The following C11orf52 variants were observed in gnomAD, a reference collection of about 807,000 sequenced individuals.
C11orf52 encodes the protein uncharacterized protein C11orf52.
In C11orf52, 9 loss-of-function variants were observed where a neutral mutation model predicts 11.7. That is an observed-to-expected ratio of 0.77 (90% CI 0.46 to 1.34). The LOEUF (loss-of-function observed/expected upper bound fraction) is 1.34. Among genes scored for constraint, C11orf52 ranks in the 40% most tolerant of loss-of-function variants. The pLI, the probability that C11orf52 is intolerant of heterozygous loss-of-function variation, is 0.00. For missense variants in C11orf52, 139 were observed against 154.8 expected, an observed-to-expected ratio of 0.90 and a Z score of 0.54; for synonymous variants, 49 against 57.4, an observed-to-expected ratio of 0.85 and a Z score of 0.66.
At chr11:111,923,188 CAT>C (rs1965728168) in intron 1 of C11orf52, among the ~76,000 whole-genome samples, 1 of 152,174 alleles carries the variant, frequency 6.6e-6, no homozygotes, top group African/African-American at 2.4e-5. Flanking sequence ...GCAGCAGTAA[CAT>C]AAAGCAAGAG....
intron 2 of C11orf52, among the ~76,000 whole-genome samples, chr11:111,925,079 G>A (rs782755227): frequency 6.6e-5 from 10 of 152,030 alleles, no homozygotes; most frequent in Non-Finnish European, 1.0e-4. Context: ...AGTCGAGATC[G>A]CGCCACTGCA....
At chr11:111,922,746 T>C (rs1340418058) in intron 1 of C11orf52, among the ~76,000 whole-genome samples, 1 of 152,230 alleles carries the variant, frequency 6.6e-6, no homozygotes, top group Non-Finnish European at 1.5e-5. Context: ...ATTTAAATAA[T>C]GTTATAATGA....
rs1036751250 is a variant in C11orf52, at chr11:111,925,061, T to C, written c.71-592T>C. On this transcript the variant is annotated intron_variant, in intron 2 of 3. Coordinates refer to ENST00000278601, the MANE Select transcript of C11orf52 (RefSeq NM_080659.3). Reference sequence around the variant, plus strand: ...ATTGCTTGAACCCAGGAGATGGAGGTTGCAGTGAGTCGAGATCGCGCCACT... The same window carrying C: ...ATTGCTTGAACCCAGGAGATGGAGGCTGCAGTGAGTCGAGATCGCGCCACT... Among the ~76,000 whole-genome samples the C allele has an allele frequency of 5.9e-5, 9 of 152,192 alleles. No individual in the cohort carries two copies. In the East Asian group the frequency reaches 1.7e-3, roughly 29 times the overall value.
intron 1 of C11orf52, chr11:111,919,209 T>A (rs1397482859): frequency 4.9e-6 from 3 of 616,442 alleles, no homozygotes; most frequent in Non-Finnish European, 8.6e-6. Flanking sequence ...GCGCGGTGGC[T>A]CACGCCTCTA....
intron 1 of C11orf52, 85 bp downstream of exon 1, chr11:111,919,089 T>C (rs1555166312): frequency 3.3e-6 from 5 of 1,495,638 alleles, no homozygotes; most frequent in East Asian, 2.4e-5. Flanking sequence ...CTGGAGATAG[T>C]TGTCTGCCAG....
Position 111,926,090 on chromosome 11 carries a change from A to T in C11orf52, c.263A>T (p.His88Leu). Residue 88 changes from histidine (H) to leucine (L), a missense_variant, in exon 4 of 4, where the codon CAT (histidine) becomes CTT (leucine). Transcript: ENST00000278601. ...YADIQVCSRPHAREVKHVHLE... is the reference protein window; with the variant it reads ...YADIQVCSRPLAREVKHVHLE... ...GACATTCAAGTGTGCAGCCGTCCCC[A>T]TGCCCGGGAAGTGAAACACGTGCAT... 6.2e-7 allele frequency: 1 copy of T among 1,614,228 alleles called. No homozygotes were observed. Among genetic ancestry groups the T allele is most frequent in the Non-Finnish European group, 8.5e-7 (1 of 1,180,032 alleles).
chr11:111,921,695 A>G (rs1490734271), intron 1 of C11orf52, among the ~76,000 whole-genome samples: 1 of 152,166 alleles, frequency 6.6e-6, no homozygotes, highest in Non-Finnish European at 1.5e-5. Context: ...ATTACTGATT[A>G]GTTCTCTGAT....
intron 1 of C11orf52, among the ~76,000 whole-genome samples, chr11:111,923,137 GA>G (rs1221468949): frequency 1.3e-5 from 2 of 152,216 alleles, no homozygotes; most frequent in African/African-American, 2.4e-5. Context: ...AAGTGGCAAA[GA>G]ATTAGAAGAT....
chr11:111,919,119 T>C, intron 1 of C11orf52, 115 bp downstream of exon 1: 1 of 1,159,732 alleles, frequency 8.6e-7, no homozygotes, highest in South Asian at 1.4e-5. Flanking sequence ...GCCACCTTCC[T>C]CTGCCTGGTA....
In C11orf52 at chr11:111,926,007, A is replaced by G; in HGVS notation, c.180A>G (p.Gln60=). 6.2e-7 allele frequency: 1 copy of G among 1,614,268 alleles called. No individual in the cohort carries two copies. The highest frequency in any genetic ancestry group is 8.5e-7 in the Non-Finnish European group (1 of 1,180,042). ...GHTYERVLQQ[Q]GSQERSPGLM... Reference sequence around the variant, plus strand: ...CGTATGAACGGGTGTTACAGCAGCAAGGGTCTCAAGAGAGGAGTCCAGGCC... The same window carrying G: ...CGTATGAACGGGTGTTACAGCAGCAGGGGTCTCAAGAGAGGAGTCCAGGCC... Residue 60 remains glutamine (Q), a synonymous_variant, in exon 4 of 4, where the codon CAA becomes CAG. Transcript: ENST00000278601.
rs114644062 is a variant in C11orf52 at position 111,919,516 on chromosome 11, G to A, written c.32+512G>A. On this transcript the variant is annotated intron_variant, in intron 1 of 3. Coordinates refer to ENST00000278601, the MANE Select transcript of C11orf52 (RefSeq NM_080659.3). Reference sequence around the variant, plus strand: ...AAACAGAGCCAAGCTAGCTGTCTGCGGAATGGCCAGAGCAGGGCAGGAATA... The same window carrying A: ...AAACAGAGCCAAGCTAGCTGTCTGCAGAATGGCCAGAGCAGGGCAGGAATA... Among the ~76,000 whole-genome samples, 1,106 of 152,170 alleles carry A rather than the reference G, an allele frequency of 7.3e-3. 14 individuals are homozygous for A. The highest frequency in any genetic ancestry group is 0.025 in the African/African-American group (1,041 of 41,520).
At chr11:111,925,899 A>C in intron 3 of C11orf52, 61 bp from the exon 4 acceptor site, 1 of 1,606,710 alleles carries the variant, frequency 6.2e-7, no homozygotes, top group Non-Finnish European at 8.5e-7. Context: ...CTGCCCCTGC[A>C]TTGGAGGTGA....
chr11:111,922,363 T>C (rs143944146), intron 1 of C11orf52, among the ~76,000 whole-genome samples: 43 of 152,378 alleles, frequency 2.8e-4, no homozygotes, highest in African/African-American at 9.9e-4. Context: ...GGCTTAAAGA[T>C]ATTATGGCAA....
In C11orf52 at chr11:111,925,673, C is replaced by G; in HGVS notation, c.91C>G (p.Leu31Val). ...KKTGSQTRRT[L>V]KPQPQQLQQN... ...CTCAGGAAGCCAAACAAGACGGACA[C>G]TGAAGCCGCAGCCACAACAGCTGCA... is the stretch of plus-strand genomic sequence containing the variant. Residue 31 changes from leucine to valine, a missense_variant, in exon 3 of 4, where the codon CTG (leucine) becomes GTG (valine). Transcript: ENST00000278601. The G allele has an allele frequency of 6.2e-7, 1 of 1,614,208 alleles. No homozygotes were observed. Among genetic ancestry groups the G allele is most frequent in the Non-Finnish European group, 8.5e-7 (1 of 1,180,034 alleles).
chr11:111,925,086 T>G (rs1200250415), intron 2 of C11orf52, among the ~76,000 whole-genome samples: 8 of 152,068 alleles, frequency 5.3e-5, no homozygotes, highest in Non-Finnish European at 1.0e-4. Flanking sequence ...ATCGCGCCAC[T>G]GCACTCCAGC....
intron 1 of C11orf52, among the ~76,000 whole-genome samples, chr11:111,921,855 CAG>C (rs2137400817): frequency 6.6e-6 from 1 of 150,454 alleles, no homozygotes; most frequent in East Asian, 1.9e-4. Flanking sequence ...TTTTTTGAAA[CAG>C]AGTTTTGCTT....
In C11orf52 at chr11:111,926,534, C is replaced by T. The variant is rs1396131722; in HGVS notation, c.*335C>T. 4.3e-5 allele frequency: 15 copies of T among 347,082 alleles called. No homozygotes were observed. The highest frequency in any genetic ancestry group is 7.0e-5 in the Non-Finnish European group (13 of 186,238). The allele number at this position is 347,082 out of a possible 1,614,324, so 21.5% of individuals were successfully genotyped here. ...CAGAAAGAGCAGGTAAAAAGTTAGC[C>T]CATAAGCACGTGGGCTGATCTTGTT... is the stretch of plus-strand genomic sequence containing the variant. On this transcript the variant is annotated 3_prime_UTR_variant, in exon 4 of 4. Transcript: ENST00000278601.
Position 111,926,509 on chromosome 11 carries a change from C to A in C11orf52, c.*310C>A. On this transcript the variant is annotated 3_prime_UTR_variant, in exon 4 of 4. Coordinates refer to ENST00000278601, the MANE Select transcript of C11orf52 (RefSeq NM_080659.3). ...TTGTTGCTCCTGCTCTTGCAAAGTG[C>A]AGAAAGAGCAGGTAAAAAGTTAGCC... 1 of 404,810 alleles carries A rather than the reference C, an allele frequency of 2.5e-6. No individual in the cohort carries two copies. The highest frequency in any genetic ancestry group is 3.2e-5 in the South Asian group (1 of 31,226). The allele number at this position is 404,810 out of a possible 1,614,324, so 25.1% of individuals were successfully genotyped here. A position where few individuals can be genotyped will look rare whatever the true frequency, so the allele number is the denominator to read the frequency against.
intron 1 of C11orf52, among the ~76,000 whole-genome samples, chr11:111,919,684 T>C (rs1368413196): frequency 1.3e-5 from 2 of 152,148 alleles, no homozygotes; most frequent in Non-Finnish European, 2.9e-5. Flanking sequence ...TTCCAATACT[T>C]TATGAGGTAA....
Sources: gnomAD v4.1 joint callset for allele counts (sites outside exome capture counted in the v4.1 genomes callset) on GRCh38, gnomAD v4.1.1 for gene constraint, MANE v1.5 for transcripts, NCBI Gene and HGNC (gene_info 2026-07-23, HGNC 2026-07-21) for gene names.